Variants in VPS13B observed in about 807,000 individuals in gnomAD.
The protein encoded by VPS13B is vacuolar protein sorting 13 homolog B.
A neutral mutation model predicts 426.4 loss-of-function variants in VPS13B; 285 were observed. That is an observed-to-expected ratio of 0.67 (90% CI 0.61 to 0.74). The LOEUF (loss-of-function observed/expected upper bound fraction) is 0.74, where lower values mean the gene tolerates loss of function less well. Among genes scored for constraint, VPS13B ranks in the 30% least tolerant of loss-of-function variants. The probability of loss-of-function intolerance (pLI) is 0.00; values close to 1 mark genes in which losing one functional copy is unlikely to be tolerated. For synonymous variants in VPS13B, 1,676 were observed against 1,676.4 expected, an observed-to-expected ratio of 1.00 and a Z score of 0.01; for missense variants, 4,537 against 4,782.6, an observed-to-expected ratio of 0.95 and a Z score of 1.51.
chr8:99,570,289 C>T (rs563453550), intron 31 of VPS13B, among the ~76,000 whole-genome samples: 1 of 151,522 alleles, frequency 6.6e-6, no homozygotes, highest in African/African-American at 2.4e-5. Context: ...TTTCTCTTTT[C>T]CTTTCTTTCT....
At chr8:99,528,588 A>T (rs1822770189) in intron 30 of VPS13B, among the ~76,000 whole-genome samples, 1 of 152,090 alleles carries the variant, frequency 6.6e-6, no homozygotes, top group African/African-American at 2.4e-5. Context: ...AAATGCCTAG[A>T]TTGATGAAAT....
chr8:99,214,697 ATT>A (rs1815290726), intron 17 of VPS13B, among the ~76,000 whole-genome samples: 1 of 152,090 alleles, frequency 6.6e-6, no homozygotes, highest in Admixed American at 6.6e-5. Context: ...CAACATATTC[ATT>A]TCTCTCCATC....
At chr8:99,336,402 A>G (rs1810870094) in intron 19 of VPS13B, among the ~76,000 whole-genome samples, 1 of 152,214 alleles carries the variant, frequency 6.6e-6, no homozygotes, top group African/African-American at 2.4e-5. Flanking sequence ...ACCTAAAACC[A>G]TGAAAACCCT....
intron 23 of VPS13B, among the ~76,000 whole-genome samples, chr8:99,450,093 G>A (rs754374987): frequency 2.0e-5 from 3 of 152,078 alleles, no homozygotes; most frequent in African/African-American, 7.2e-5. Context: ...ATAAGCCAAC[G>A]TGCCCAGCAA....
intron 15 of VPS13B, among the ~76,000 whole-genome samples, chr8:99,158,725 G>T (rs1811493891): frequency 6.6e-6 from 1 of 152,114 alleles, no homozygotes; most frequent in South Asian, 2.1e-4. Context: ...AGCCTGTGGA[G>T]ACCTACTGCC....
intron 19 of VPS13B, among the ~76,000 whole-genome samples, chr8:99,382,510 G>A (rs1414608817): frequency 1.3e-5 from 2 of 152,042 alleles, no homozygotes; most frequent in Non-Finnish European, 2.9e-5. Context: ...ATGTTTTATA[G>A]TTCTCATTGT....
At chr8:99,359,098 A>G (rs1812350409) in intron 19 of VPS13B, among the ~76,000 whole-genome samples, 1 of 152,162 alleles carries the variant, frequency 6.6e-6, no homozygotes, top group African/African-American at 2.4e-5. Context: ...TATTTTAGAA[A>G]TTAGTATTTA....
At chr8:99,232,364 T>C (rs1443215437) in intron 17 of VPS13B, among the ~76,000 whole-genome samples, 1 of 152,146 alleles carries the variant, frequency 6.6e-6, no homozygotes, top group African/African-American at 2.4e-5. Flanking sequence ...CCTGTTGATA[T>C]ACACAGATGA....
intron 14 of VPS13B, among the ~76,000 whole-genome samples, chr8:99,153,623 C>T (rs550071581): frequency 1.3e-5 from 2 of 152,216 alleles, no homozygotes; most frequent in African/African-American, 2.4e-5. Flanking sequence ...TGTATCATTG[C>T]TGTAATTCAT....
intron 34 of VPS13B, among the ~76,000 whole-genome samples, chr8:99,646,928 G>T (rs150207795): frequency 2.6e-5 from 4 of 152,058 alleles, no homozygotes; most frequent in Non-Finnish European, 2.9e-5. Flanking sequence ...GCAGTGTACC[G>T]CCTGCAGAGC....
At chr8:99,237,036 A>T (rs932352476) in intron 17 of VPS13B, among the ~76,000 whole-genome samples, 12 of 152,166 alleles carry the variant, frequency 7.9e-5, no homozygotes, top group African/African-American at 2.9e-4. Context: ...TTTTAAAAAG[A>T]GATGTTCCCC....
intron 19 of VPS13B, among the ~76,000 whole-genome samples, chr8:99,281,276 A>G (rs1819155499): frequency 6.6e-6 from 1 of 152,206 alleles, no homozygotes; most frequent in Non-Finnish European, 1.5e-5. Flanking sequence ...TGTGTGGCCC[A>G]GTTCCTAACA....
chr8:99,296,322 CT>C (rs945343274), intron 19 of VPS13B, among the ~76,000 whole-genome samples: 4 of 151,920 alleles, frequency 2.6e-5, no homozygotes, highest in African/African-American at 9.7e-5. Flanking sequence ...TTTTAATAAA[CT>C]TTTTTTCACT....
chr8:99,131,953 G>A (rs543726784), intron 8 of VPS13B, among the ~76,000 whole-genome samples: 1 of 152,274 alleles, frequency 6.6e-6, no homozygotes, highest in African/African-American at 2.4e-5. Context: ...CTGGAGTGTA[G>A]TGGTATGATT....
chr8:99,258,962 T>TTAATTTATTAATTATTAATTTTTA (rs1408340490), intron 17 of VPS13B, among the ~76,000 whole-genome samples: 110 of 152,240 alleles, frequency 7.2e-4, no homozygotes, highest in African/African-American at 2.6e-3. Flanking sequence ...TTTTAATGTA[T>TTAATTTATTAATTATTAATTTTTA]ATGAACTGAA....
At chr8:99,589,011 C>G (rs1826453590) in intron 33 of VPS13B, among the ~76,000 whole-genome samples, 1 of 151,648 alleles carries the variant, frequency 6.6e-6, no homozygotes, top group Admixed American at 6.6e-5. Context: ...GCATGAAGGG[C>G]TGTTGAATTT....
intron 15 of VPS13B, among the ~76,000 whole-genome samples, chr8:99,166,430 C>T (rs747312823): frequency 4.6e-5 from 7 of 152,260 alleles, no homozygotes; most frequent in South Asian, 2.1e-4. Context: ...TAGGCTATCC[C>T]GGAACAAGCA....
intron 39 of VPS13B, among the ~76,000 whole-genome samples, chr8:99,729,597 G>A (rs2130394660): frequency 6.6e-6 from 1 of 152,246 alleles, no homozygotes. Context: ...AGATTCTATA[G>A]TCTTCCAGTT....
chr8:99,332,810 A>T lies in VPS13B; in HGVS notation c.2825-51398A>T, dbSNP rs1810616881. Among the ~76,000 whole-genome samples, 3 of 151,732 alleles carry T rather than the reference A, an allele frequency of 2.0e-5. No individual in the cohort carries two copies. In the South Asian group the frequency reaches 6.2e-4, roughly 31 times the overall value. On this transcript the variant is annotated intron_variant, in intron 19 of 61. Transcript: ENST00000357162. Reference sequence around the variant, plus strand: ...ATAACACTTTTTTGTCCATTTATTTATGTTGAAATTCTACTGGTATTGCAT... The same window carrying T: ...ATAACACTTTTTTGTCCATTTATTTTTGTTGAAATTCTACTGGTATTGCAT...
Sources: allele counts gnomAD v4.1 joint callset (sites outside exome capture counted in the v4.1 genomes callset), GRCh38; gene constraint gnomAD v4.1.1; transcripts MANE v1.5; gene names NCBI Gene and HGNC (gene_info 2026-07-23, HGNC 2026-07-21).